Variants in FREM3 observed in about 807,000 individuals in gnomAD.
The protein encoded by FREM3 is FRAS1 related extracellular matrix 3, also known as FRAS1-related extracellular matrix protein 3.
FREM3 carries 105 observed loss-of-function variants against 129.1 expected under a neutral mutation model. That is an observed-to-expected ratio of 0.81 (90% CI 0.69 to 0.96). The LOEUF (loss-of-function observed/expected upper bound fraction) is 0.96. FREM3 is among the 40% of genes least tolerant of loss of function. The pLI is 0.00. For synonymous variants in FREM3, 1,014 were observed against 1,044.9 expected, an observed-to-expected ratio of 0.97 and a Z score of 0.57; for missense variants, 2,593 against 2,666.3, an observed-to-expected ratio of 0.97 and a Z score of 0.61.
chr4:143,632,782 A>G lies in FREM3; in HGVS notation c.5276-5022T>C, dbSNP rs1450069444. Among the ~76,000 whole-genome samples the G allele has an allele frequency of 2.0e-5, 3 of 152,070 alleles. No homozygotes were observed. In the South Asian group the frequency reaches 6.2e-4, roughly 31 times the overall value. On this transcript the variant is annotated intron_variant, in intron 2 of 7. Transcript: ENST00000329798. ...AGAATTATCTTAGGTCATACATAAA[A>G]TACACTACATAACAATAGTTGATGA...
chr4:143,685,744 C>T (rs980208448), intron 2 of FREM3, among the ~76,000 whole-genome samples: 2 of 152,068 alleles, frequency 1.3e-5, no homozygotes, highest in Admixed American at 1.3e-4. Flanking sequence ...TCATCCATGT[C>T]CAAACTAACA....
At chr4:143,646,157 T>A (rs1739411522) in intron 2 of FREM3, among the ~76,000 whole-genome samples, 1 of 152,220 alleles carries the variant, frequency 6.6e-6, no homozygotes, top group Non-Finnish European at 1.5e-5. Flanking sequence ...ATCCTCTGTT[T>A]ATAAAAGTTG....
Position 143,695,897 on chromosome 4 carries a change from C to A in FREM3, c.4779G>T (p.Val1593=). 1 of 1,537,590 alleles carries A rather than the reference C, an allele frequency of 6.5e-7. No individual in the cohort carries two copies. Among genetic ancestry groups the A allele is most frequent in the South Asian group, 1.2e-5 (1 of 84,060 alleles). The change falls in exon 1 of 8, where the codon GTG becomes GTT. Residue 1593 remains valine, a synonymous_variant. Coordinates refer to ENST00000329798, the MANE Select transcript of FREM3 (RefSeq NM_001168235.2). ...GKILYNGSRP[V]TTFTKQDLNK... ...TCAGGTCTTGCTTGGTGAAAGTGGT[C>A]ACGGGACGGCTACCATTGTACAAAA...
At position 143,661,171 on chromosome 4, in the gene FREM3, A is replaced by G. The variant is rs533279786; in HGVS notation, c.5275+31942T>C. Among the ~76,000 whole-genome samples the G allele has an allele frequency of 2.8e-4, 43 of 152,298 alleles. No individual in the cohort carries two copies. In the East Asian group the frequency reaches 6.2e-3, roughly 22 times the overall value. ...ATCCCTGTCTTGTGCCAGTTTTCAA[A>G]GGGAATGCTTCTAGTTTTTGCCCAT... is the stretch of plus-strand genomic sequence containing the variant. On this transcript the variant is annotated intron_variant, in intron 2 of 7. Transcript: ENST00000329798.
Position 143,695,867 on chromosome 4 carries a change from C to T in FREM3, c.4809G>A (p.Lys1603=). 6.5e-7 allele frequency: 1 copy of T among 1,537,470 alleles called. No homozygotes were observed. Among genetic ancestry groups the T allele is most frequent in the East Asian group, 2.4e-5 (1 of 40,922 alleles). The change falls in exon 1 of 8, where the codon AAG becomes AAA. Residue 1603 remains lysine, a synonymous_variant. Coordinates refer to ENST00000329798, the MANE Select transcript of FREM3 (RefSeq NM_001168235.2). The part of the protein sequence containing the change: ...VTTFTKQDLN[K]NLISYKHDGS... The stretch of plus-strand genomic sequence containing the variant: ...CGTCATGCTTGTAGCTAATCAGGTT[C>T]TTGTTCAGGTCTTGCTTGGTGAAAG...
intron 2 of FREM3, among the ~76,000 whole-genome samples, chr4:143,673,213 C>T (rs1271716447): frequency 6.6e-6 from 1 of 152,174 alleles, no homozygotes; most frequent in African/African-American, 2.4e-5. Flanking sequence ...TTTTCCCCAT[C>T]TTTGTGGTTT....
intron 5 of FREM3, among the ~76,000 whole-genome samples, chr4:143,618,278 A>G (rs1738885065): frequency 6.6e-6 from 1 of 152,048 alleles, no homozygotes; most frequent in Non-Finnish European, 1.5e-5. Context: ...TGATTTCCAG[A>G]TGTGAAAGCT....
chr4:143,618,821 A>G (rs1453225379), intron 5 of FREM3, among the ~76,000 whole-genome samples: 3 of 152,150 alleles, frequency 2.0e-5, no homozygotes, highest in Non-Finnish European at 4.4e-5. Context: ...GCTTGAGCCC[A>G]GGAGTTTGAT....
chr4:143,588,866 T>G (rs1178992611), intron 6 of FREM3, among the ~76,000 whole-genome samples: 6 of 150,416 alleles, frequency 4.0e-5, no homozygotes, highest in East Asian at 3.9e-4. Flanking sequence ...ACCAACAGGG[T>G]AAAAGTGTTC....
At chr4:143,586,792 C>T (rs1427806663) in intron 6 of FREM3, among the ~76,000 whole-genome samples, 1 of 152,192 alleles carries the variant, frequency 6.6e-6, no homozygotes, top group Non-Finnish European at 1.5e-5. Flanking sequence ...TTAGCTGTAA[C>T]AATACCTACT....
At chr4:143,584,009 G>A (rs1047034980) in intron 7 of FREM3, among the ~76,000 whole-genome samples, 2 of 152,222 alleles carry the variant, frequency 1.3e-5, no homozygotes, top group Non-Finnish European at 2.9e-5. Flanking sequence ...AAAGGCCACA[G>A]AGTTGCAAGT....
chr4:143,664,367 C>T (rs1040976566), intron 2 of FREM3, among the ~76,000 whole-genome samples: 1 of 152,152 alleles, frequency 6.6e-6, no homozygotes, highest in Admixed American at 6.6e-5. Flanking sequence ...CCCTGTTTGC[C>T]TAGGTAGCAG....
At chr4:143,588,384 C>A (rs1738281355) in intron 6 of FREM3, among the ~76,000 whole-genome samples, 1 of 151,508 alleles carries the variant, frequency 6.6e-6, no homozygotes. Context: ...CTAATGCTAT[C>A]CCTCCCCCAT....
intron 2 of FREM3, among the ~76,000 whole-genome samples, chr4:143,660,461 G>C (rs1451609136): frequency 6.6e-6 from 1 of 152,176 alleles, no homozygotes; most frequent in Admixed American, 6.5e-5. Flanking sequence ...TTTGGTACCA[G>C]TACCATGCTG....
intron 6 of FREM3, among the ~76,000 whole-genome samples, chr4:143,593,946 C>G (rs1360031733): frequency 6.6e-6 from 1 of 152,208 alleles, no homozygotes; most frequent in African/African-American, 2.4e-5. Flanking sequence ...CCTCCTCCAG[C>G]CTCGCTGCCA....
At chr4:143,688,842 G>T (rs780129855) in intron 2 of FREM3, among the ~76,000 whole-genome samples, 1 of 152,136 alleles carries the variant, frequency 6.6e-6, no homozygotes, top group Non-Finnish European at 1.5e-5. Flanking sequence ...AATGAAACTG[G>T]ATCCTCATCT....
chr4:143,693,298 C>T (rs944297316), intron 1 of FREM3, 96 bp from the exon 2 acceptor site: 57 of 470,042 alleles, frequency 1.2e-4, no homozygotes, highest in Non-Finnish European at 1.9e-4. Flanking sequence ...TAGAAATACT[C>T]CAATTAATAA....
intron 5 of FREM3, 95 bp downstream of exon 5, chr4:143,620,942 T>C: frequency 7.9e-7 from 1 of 1,259,422 alleles, no homozygotes; most frequent in Non-Finnish European, 1.1e-6. Context: ...GCATCTTAAC[T>C]CTGCTTTGCT....
chr4:143,685,556 A>C (rs927298591), intron 2 of FREM3, among the ~76,000 whole-genome samples: 1 of 152,230 alleles, frequency 6.6e-6, no homozygotes, highest in African/African-American at 2.4e-5. Context: ...TTTAAAGCAT[A>C]AATCAGACAG....
Sources: allele counts gnomAD v4.1 joint callset (sites outside exome capture counted in the v4.1 genomes callset), GRCh38; gene constraint gnomAD v4.1.1; transcripts MANE v1.5; gene names NCBI Gene and HGNC (gene_info 2026-07-23, HGNC 2026-07-21).